Variants in ZMYM4 observed in about 807,000 individuals in gnomAD.
The protein encoded by ZMYM4 is zinc finger MYM-type containing 4, also known as zinc finger MYM-type protein 4.
ZMYM4 carries 31 observed loss-of-function variants against 183.2 expected under a neutral mutation model. The ratio of observed to expected loss-of-function variants is 0.17; its 90% CI spans 0.13 to 0.23. The LOEUF (loss-of-function observed/expected upper bound fraction) is 0.23. Ranked by LOEUF, ZMYM4 falls within the 10% of genes least tolerant of loss-of-function variation. The probability of loss-of-function intolerance (pLI) is 1.00; values close to 1 mark genes in which losing one functional copy is unlikely to be tolerated. For synonymous variants in ZMYM4, 592 were observed against 631.2 expected (o/e 0.94, Z 0.93); for missense variants, 1,273 against 1,840.3 (o/e 0.69, Z 5.64).
chr1:35,337,235 G>A (rs911330891), intron 2 of ZMYM4, among the ~76,000 whole-genome samples: 3 of 152,062 alleles, frequency 2.0e-5, no homozygotes, highest in Admixed American at 1.3e-4. Context: ...GATGTTGCAC[G>A]CCTGTAGTCC....
At chr1:35,365,090 G>A (rs1160941186) in intron 5 of ZMYM4, among the ~76,000 whole-genome samples, 2 of 152,074 alleles carry the variant, frequency 1.3e-5, no homozygotes, top group African/African-American at 4.8e-5. Flanking sequence ...TACACGTACT[G>A]TGTTGCTTAA....
At chr1:35,286,594 ATT>A (rs35510573) in intron 1 of ZMYM4, among the ~76,000 whole-genome samples, 19 of 117,504 alleles carry the variant, frequency 1.6e-4, no homozygotes, top group Admixed American at 1.8e-4. Flanking sequence ...CTGTCTGCCT[ATT>A]TTTTTTTTTT....
intron 1 of ZMYM4, among the ~76,000 whole-genome samples, chr1:35,310,033 G>A (rs1034445767): frequency 6.6e-6 from 1 of 151,108 alleles, no homozygotes; most frequent in African/African-American, 2.4e-5. Flanking sequence ...AGGTTCAAGC[G>A]ATTCTCCTGC....
In ZMYM4 at chr1:35,307,536, A is replaced by ATT. The variant is rs202140559; in HGVS notation, c.40-17823_40-17822dup. Among the ~76,000 whole-genome samples, 5 of 146,600 alleles carry ATT rather than the reference A, an allele frequency of 3.4e-5. No individual in the cohort carries two copies. In the East Asian group the frequency reaches 7.9e-4, roughly 23 times the overall value. On this transcript the variant is annotated intron_variant, in intron 1 of 29. Transcript: ENST00000314607. ...AATTATTTTTATTATTATTATTATT[A>ATT]TTATTATTTTTTTTTTGAGACAGAG...
intron 9 of ZMYM4, among the ~76,000 whole-genome samples, chr1:35,384,484 C>T (rs1644530441): frequency 2.0e-5 from 3 of 152,150 alleles, no homozygotes; most frequent in Admixed American, 2.0e-4. Flanking sequence ...TAATACTTAG[C>T]ATTATTTGCT....
chr1:35,346,892 G>A (rs1045855992), intron 2 of ZMYM4, among the ~76,000 whole-genome samples: 67 of 152,044 alleles, frequency 4.4e-4, no homozygotes, highest in African/African-American at 1.4e-3. Context: ...ATGACTTTTT[G>A]CATTCTCCTT....
At chr1:35,344,585 C>G (rs899807973) in intron 2 of ZMYM4, among the ~76,000 whole-genome samples, 6 of 151,702 alleles carry the variant, frequency 4.0e-5, no homozygotes, top group Admixed American at 3.3e-4. Flanking sequence ...TGCTTTTTCT[C>G]TACTTAGATG....
rs564400382 is a variant in ZMYM4 at position 35,285,124 on chromosome 1, GT to G, written c.39+16049del. On this transcript the variant is annotated intron_variant, in intron 1 of 29. Coordinates refer to ENST00000314607, the MANE Select transcript of ZMYM4 (RefSeq NM_005095.3). ...GAAATTAGGAAGTAGGAGTCCTCAAGTTTTTTTTTTCAAGATTGTTTTGGCT... is the reference window on the plus strand; with the variant it reads ...GAAATTAGGAAGTAGGAGTCCTCAAGTTTTTTTTTCAAGATTGTTTTGGCT... Among the ~76,000 whole-genome samples, 18 of 148,600 alleles carry G rather than the reference GT, an allele frequency of 1.2e-4. 2 individuals carry two copies. The highest frequency in any genetic ancestry group is 3.3e-4 in the Admixed American group (5 of 14,928).
intron 5 of ZMYM4, 95 bp downstream of exon 5, chr1:35,361,884 T>G: frequency 6.8e-7 from 1 of 1,469,198 alleles, no homozygotes; most frequent in African/African-American, 1.4e-5. Context: ...AATAGTTTGT[T>G]GACAGGGTGA....
At chr1:35,412,331 G>A (rs1639947574) in intron 26 of ZMYM4, among the ~76,000 whole-genome samples, 1 of 151,942 alleles carries the variant, frequency 6.6e-6, no homozygotes. Context: ...TCTATATATA[G>A]GATTCTGTCA....
intron 2 of ZMYM4, among the ~76,000 whole-genome samples, chr1:35,351,995 A>G (rs756249907): frequency 2.6e-5 from 4 of 152,148 alleles, no homozygotes; most frequent in Non-Finnish European, 5.9e-5. Context: ...CACAGTCTCT[A>G]TTACACAAAG....
intron 1 of ZMYM4, among the ~76,000 whole-genome samples, chr1:35,321,913 A>T (rs1246429592): frequency 6.6e-6 from 1 of 151,980 alleles, no homozygotes; most frequent in East Asian, 1.9e-4. Context: ...TCACATACCT[A>T]AGCCATATCA....
Position 35,381,636 on chromosome 1 carries a change from A to G in ZMYM4, c.1447A>G (p.Met483Val). Residue 483 changes from methionine to valine, a missense_variant, in exon 9 of 30, where the codon ATG becomes GTG. Met to Val is a conservative substitution (Grantham distance 21, BLOSUM62 1). Around this residue, in one of 6 missense-constraint regions of ZMYM4, gnomAD observed 319 missense variants for 518.1 expected, o/e 0.62. Transcript: ENST00000314607. ...GTTTCGTTCTGCTAACAACCTCACCATGAACTGTTGTGAGAACTGTGGGGG... is the reference window on the plus strand; with the variant it reads ...GTTTCGTTCTGCTAACAACCTCACCGTGAACTGTTGTGAGAACTGTGGGGG... Reference protein sequence around the residue: ...SKFRSANNLTMNCCENCGGYC... With the variant: ...SKFRSANNLTVNCCENCGGYC... 6.2e-7 allele frequency: 1 copy of G among 1,614,236 alleles called. No individual in the cohort carries two copies. Among genetic ancestry groups the G allele is most frequent in the Non-Finnish European group, 8.5e-7 (1 of 1,180,044 alleles).
intron 1 of ZMYM4, among the ~76,000 whole-genome samples, chr1:35,320,141 T>C (rs1642221596): frequency 1.3e-5 from 2 of 152,146 alleles, no homozygotes; most frequent in African/African-American, 4.8e-5. Context: ...AAGTGATAAG[T>C]GTGGATTGTG....
At position 35,389,781 on chromosome 1, in the gene ZMYM4, A is replaced by ATATGTGTGTGTGTGTGTGTG. The variant is rs1553179061; in HGVS notation, c.2437-166_2437-165insATGTGTGTGTGTGTGTGTGT. ...AAAAAAAAAAAAAATATATATATATATGTGTGTGTGTGTGTGTGTGTGTGT... is the reference window on the plus strand; with the variant it reads ...AAAAAAAAAAAAAATATATATATATATATGTGTGTGTGTGTGTGTGTGTGTGTGTGTGTGTGTGTGTGTGT... On this transcript the variant is annotated intron_variant, in intron 14 of 29. Coordinates refer to ENST00000314607, the MANE Select transcript of ZMYM4 (RefSeq NM_005095.3). This position sits in a 1 kb window ranked among gnomAD's most constrained non-coding sequence, Gnocchi z 4.0. 7.1e-5 allele frequency among the ~76,000 whole-genome samples: 10 copies of ATATGTGTGTGTGTGTGTGTG among 141,426 alleles called. No homozygotes were observed. The highest frequency in any genetic ancestry group is 2.7e-4 in the African/African-American group (10 of 37,598). The allele number at this position is 141,426 out of a possible 152,430, so 92.8% of individuals were successfully genotyped here.
rs1243358506 is a variant in ZMYM4 at position 35,392,304 on chromosome 1, A to G, written c.2680A>G (p.Ser894Gly). 3 of 1,614,230 alleles carry G rather than the reference A, an allele frequency of 1.9e-6. No homozygotes were observed. The highest frequency in any genetic ancestry group is 2.2e-5 in the East Asian group (1 of 44,874). Reference protein sequence around the residue: ...PVIANVVSLASAPAAQPTVNS... With the variant: ...PVIANVVSLAGAPAAQPTVNS... ...TATAGCCAATGTAGTATCATTGGCA[A>G]GTGCCCCTGCTGCTCAGCCTACAGT... The change falls in exon 16 of 30, where the codon AGT becomes GGT. Residue 894 changes from serine (S) to glycine (G), a missense_variant. Coordinates refer to ENST00000314607, the MANE Select transcript of ZMYM4 (RefSeq NM_005095.3).
At chr1:35,282,273 G>A (rs1292275082) in intron 1 of ZMYM4, among the ~76,000 whole-genome samples, 1 of 152,188 alleles carries the variant, frequency 6.6e-6, no homozygotes, top group African/African-American at 2.4e-5. Context: ...CTAATGAGTT[G>A]TTACAAGCAA....
chr1:35,323,060 C>G (rs1382004040), intron 1 of ZMYM4, among the ~76,000 whole-genome samples: 1 of 151,694 alleles, frequency 6.6e-6, no homozygotes, highest in Non-Finnish European at 1.5e-5. Flanking sequence ...AGTGCAGTGG[C>G]ACAATCTCGG....
intron 15 of ZMYM4, among the ~76,000 whole-genome samples, chr1:35,391,478 A>G (rs1644704393): frequency 6.6e-6 from 1 of 152,200 alleles, no homozygotes; most frequent in South Asian, 2.1e-4. Flanking sequence ...CCTGAAAGCT[A>G]GAAGAATTTA....
Sources: allele counts gnomAD v4.1 joint callset (sites outside exome capture counted in the v4.1 genomes callset), GRCh38; gene constraint gnomAD v4.1.1; regional missense constraint gnomAD v4.1.1; non-coding constraint Gnocchi (gnomAD v3.1); transcripts MANE v1.5; gene names NCBI Gene and HGNC (gene_info 2026-07-23, HGNC 2026-07-21).